Variants in FRMPD4 observed in about 807,000 individuals in gnomAD.
FRMPD4 encodes the protein FERM and PDZ domain containing 4.
A neutral mutation model predicts 94.1 loss-of-function variants in FRMPD4; 22 were observed. The ratio of observed to expected loss-of-function variants is 0.23; its 90% CI spans 0.17 to 0.33. The LOEUF (loss-of-function observed/expected upper bound fraction) is 0.33, where lower values mean the gene tolerates loss of function less well. FRMPD4 is among the 10% of genes least tolerant of loss of function. FRMPD4 has a pLI of 1.00. For missense variants in FRMPD4, 1,111 were observed against 1,339.9 expected, an observed-to-expected ratio of 0.83 and a Z score of 2.67; for synonymous variants, 631 against 548.6, an observed-to-expected ratio of 1.15 and a Z score of -2.10.
At chrX:12,334,677 A>G (rs1485981859) in intron 1 of FRMPD4, among the ~76,000 whole-genome samples, 2 of 109,392 alleles carry the variant, frequency 1.8e-5, no homozygotes, top group Non-Finnish European at 3.8e-5. Flanking sequence ...CCTTGTGGTT[A>G]TTAACTTTGA....
At chrX:12,633,502 G>A (rs957579586) in intron 4 of FRMPD4, among the ~76,000 whole-genome samples, 2 of 111,951 alleles carry the variant, frequency 1.8e-5, no homozygotes, top group Non-Finnish European at 3.8e-5. Flanking sequence ...TGACCTGGGC[G>A]AGGGGGAAAA....
Position 11,862,997 on chromosome X carries a change from TC to T in FRMPD4, c.-160-2088del, listed in dbSNP as rs201976367. 3.0e-3 allele frequency among the ~76,000 whole-genome samples: 224 copies of T among 73,625 alleles called. 4 individuals carry two copies. Among genetic ancestry groups the T allele is most frequent in the African/African-American group, 0.013 (188 of 14,197 alleles). The allele number at this position is 73,625 out of a possible 115,157, so 63.9% of individuals were successfully genotyped here. On this transcript the variant is annotated intron_variant, in intron 1 of 18. Coordinates refer to the FRMPD4 transcript ENST00000640291. The stretch of plus-strand genomic sequence containing the variant: ...TTTTTTTTTTTGATGCATCTCTCTC[TC>T]TTTTTTTTTATTATACTTTAAGTTT...
At chrX:11,862,029 G>A (rs1050807703) in intron 1 of FRMPD4, among the ~76,000 whole-genome samples, 9 of 110,223 alleles carry the variant, frequency 8.2e-5, no homozygotes, top group Non-Finnish European at 1.7e-4. Flanking sequence ...GTTGGGGGAG[G>A]TGCCACACAC....
chrX:12,337,749 A>G (rs2055549688), intron 1 of FRMPD4, among the ~76,000 whole-genome samples: 1 of 112,363 alleles, frequency 8.9e-6, no homozygotes, highest in Admixed American at 9.4e-5. Flanking sequence ...TTATATGGTT[A>G]GATTGTTTTA....
chrX:12,288,467 G>A (rs1445889222), intron 1 of FRMPD4, among the ~76,000 whole-genome samples: 1 of 111,444 alleles, frequency 9.0e-6, no homozygotes, highest in Non-Finnish European at 1.9e-5. Context: ...TGGGTGCTAT[G>A]CCTTAGTTTT....
chrX:12,078,150 G>C, intron 3 of FRMPD4, among the ~76,000 whole-genome samples: 1 of 112,170 alleles, frequency 8.9e-6, no homozygotes, highest in Middle Eastern at 4.6e-3. Context: ...GATGGAGACT[G>C]TCTTCAGGTC....
At chrX:12,497,692 G>A (rs977908650) in intron 1 of FRMPD4, among the ~76,000 whole-genome samples, 5 of 111,037 alleles carry the variant, frequency 4.5e-5, no homozygotes, top group African/African-American at 1.3e-4. Context: ...AAAATGGAAA[G>A]GAAGTTAAGA....
Position 12,716,507 on chromosome X carries a change from A to G in FRMPD4, c.2048A>G (p.Glu683Gly), listed in dbSNP as rs760597864. 1.6e-4 allele frequency: 188 copies of G among 1,207,431 alleles called. No homozygotes were observed. Among genetic ancestry groups the G allele is most frequent in the Non-Finnish European group, 2.0e-4 (182 of 893,643 alleles). ...TLLDEGPEML[E>G]KQRNLYIGSA... ...CTAGATGAGGGTCCTGAAATGCTGG[A>G]GAAGCAGAGAAATCTCTACATTGGC... is the stretch of plus-strand genomic sequence containing the variant. Residue 683 changes from glutamate (E) to glycine (G), a missense_variant, in exon 15 of 17, where the codon GAG becomes GGG. This residue lies in a region of FRMPD4 where 192 missense variants were observed against 192.5 expected (regional missense o/e 1.00). Transcript: ENST00000675598.
chrX:12,225,861 G>A (rs939309690), intron 1 of FRMPD4, among the ~76,000 whole-genome samples: 1 of 111,998 alleles, frequency 8.9e-6, no homozygotes, highest in African/African-American at 3.2e-5. Flanking sequence ...TAAGTGAAAG[G>A]AATAACAAAT....
intron 2 of FRMPD4, among the ~76,000 whole-genome samples, chrX:12,534,551 C>T (rs2058318475): frequency 8.9e-6 from 1 of 112,476 alleles, no homozygotes; most frequent in Admixed American, 9.4e-5. Flanking sequence ...TGCAAATCCA[C>T]AGGGGTGGAA....
chrX:11,893,759 C>A (rs1468167592), intron 3 of FRMPD4, among the ~76,000 whole-genome samples: 2 of 111,354 alleles, frequency 1.8e-5, no homozygotes, highest in African/African-American at 6.5e-5. Flanking sequence ...TGCCTAGGTG[C>A]AACTACCATC....
chrX:12,717,228 C>A, intron 15 of FRMPD4, 95 bp downstream of exon 15: 1 of 529,292 alleles, frequency 1.9e-6, no homozygotes, highest in Non-Finnish European at 3.0e-6. Context: ...TGGTGTTCTC[C>A]ATTTCACACA....
intron 2 of FRMPD4, among the ~76,000 whole-genome samples, chrX:12,594,528 C>T (rs972905539): frequency 1.3e-3 from 144 of 110,606 alleles, no homozygotes; most frequent in African/African-American, 4.6e-3. Flanking sequence ...CTCCGCCTCC[C>T]GGGTTCACAC....
intron 4 of FRMPD4, among the ~76,000 whole-genome samples, chrX:12,626,459 A>G (rs1402176692): frequency 9.3e-6 from 1 of 107,769 alleles, no homozygotes. Flanking sequence ...AGGAGAGCCA[A>G]TACAACTATC....
chrX:11,848,510 G>GTT (rs772468306), intron 1 of FRMPD4, among the ~76,000 whole-genome samples: 22 of 99,064 alleles, frequency 2.2e-4, no homozygotes, highest in Non-Finnish European at 2.7e-4. Flanking sequence ...CCCAGCCTGT[G>GTT]TTTTTTTTTT....
chrX:11,880,837 T>C (rs2053809961), intron 3 of FRMPD4, among the ~76,000 whole-genome samples: 1 of 111,329 alleles, frequency 9.0e-6, no homozygotes, highest in African/African-American at 3.3e-5. Flanking sequence ...GAGATGGGGT[T>C]TCACCATGTT....
intron 1 of FRMPD4, among the ~76,000 whole-genome samples, chrX:12,341,314 C>G (rs190527867): frequency 1.9e-3 from 211 of 108,432 alleles, no homozygotes; most frequent in Middle Eastern, 4.9e-3. Context: ...AGGAAGACAG[C>G]TTAATGAAAT....
intron 13 of FRMPD4, among the ~76,000 whole-genome samples, chrX:12,709,356 TTC>T (rs2041940408): frequency 8.9e-6 from 1 of 112,008 alleles, no homozygotes; most frequent in Non-Finnish European, 1.9e-5. Context: ...GCTTCCTTAT[TTC>T]TCTCTCACTC....
chrX:12,286,679 TATG>T (rs1440323476), intron 1 of FRMPD4, among the ~76,000 whole-genome samples: 1 of 112,051 alleles, frequency 8.9e-6, no homozygotes, highest in Admixed American at 9.5e-5. Context: ...AATTATATCT[TATG>T]ATAGACTTTT....
Sources: gnomAD v4.1 joint callset for allele counts (sites outside exome capture counted in the v4.1 genomes callset) on GRCh38, gnomAD v4.1.1 for gene constraint, gnomAD v4.1.1 regional missense constraint, MANE v1.5 for transcripts, NCBI Gene and HGNC (gene_info 2026-07-23, HGNC 2026-07-21) for gene names.